ZNF624: variants seen among roughly 807,000 people sequenced by gnomAD.
ZNF624 encodes the protein zinc finger protein 624.
A neutral mutation model predicts 74.7 loss-of-function variants in ZNF624; 43 were observed. The ratio of observed to expected loss-of-function variants is 0.58; its 90% CI spans 0.45 to 0.74. The LOEUF is 0.74. ZNF624 is among the 30% of genes least tolerant of loss of function. ZNF624 has a pLI of 0.00. For synonymous variants in ZNF624, 331 were observed against 341.3 expected, an observed-to-expected ratio of 0.97 and a Z score of 0.33; for missense variants, 820 against 1,030.0, an observed-to-expected ratio of 0.80 and a Z score of 2.79.
intron 3 of ZNF624, among the ~76,000 whole-genome samples, chr17:16,646,216 T>C (rs1021964799): frequency 6.6e-6 from 1 of 152,126 alleles, no homozygotes; most frequent in African/African-American, 2.4e-5. Context: ...TGTCAAAAAG[T>C]ATGGCATTTT....
At chr17:16,625,521 T>C (rs1909050147) in intron 5 of ZNF624, among the ~76,000 whole-genome samples, 1 of 152,200 alleles carries the variant, frequency 6.6e-6, no homozygotes. Context: ...ACTAGCTTTG[T>C]TGTGAGGGCT....
chr17:16,622,476 C>G lies in ZNF624; in HGVS notation c.2410G>C (p.Gly804Arg). The change falls in exon 6 of 6, where the codon GGG (glycine) becomes CGG (arginine). Residue 804 changes from glycine to arginine, a missense_variant. Physicochemically the swap from Gly to Arg is moderately radical, Grantham distance 125. Coordinates refer to ENST00000311331, the MANE Select transcript of ZNF624 (RefSeq NM_020787.4). Reference sequence around the variant, plus strand: ...TCTTCACATTTATAGGGCCTCTCCCCAGTATGAATTCTCTGATGTAGGGTT... The same window carrying G: ...TCTTCACATTTATAGGGCCTCTCCCGAGTATGAATTCTCTGATGTAGGGTT... ...QLTLHQRIHT[G>R]ERPYKCEECG... is the part of the protein sequence containing the mutation. 2 of 1,613,932 alleles carry G rather than the reference C, an allele frequency of 1.2e-6. No individual in the cohort carries two copies. Among genetic ancestry groups the G allele is most frequent in the Non-Finnish European group, 1.7e-6 (2 of 1,179,886 alleles).
At chr17:16,649,351 T>C (rs1223324686) in intron 2 of ZNF624, among the ~76,000 whole-genome samples, 1 of 152,224 alleles carries the variant, frequency 6.6e-6, no homozygotes. Flanking sequence ...TCCATTTTGC[T>C]GTCCCACAAA....
intron 5 of ZNF624, 94 bp downstream of exon 5, chr17:16,633,768 A>C: frequency 1.0e-6 from 1 of 1,003,112 alleles, no homozygotes; most frequent in Non-Finnish European, 1.5e-6. Context: ...TTGAACAAAT[A>C]TATCTTCAAA....
chr17:16,637,831 C>T (rs1340857610), intron 3 of ZNF624, among the ~76,000 whole-genome samples: 6 of 152,014 alleles, frequency 3.9e-5, no homozygotes, highest in Non-Finnish European at 8.8e-5. Context: ...TCTAAAACAC[C>T]AAAAGCAATG....
chr17:16,653,424 G>A (rs1909776526), intron 1 of ZNF624: 1 of 152,378 alleles, frequency 6.6e-6, no homozygotes, highest in African/African-American at 2.4e-5. Flanking sequence ...GACCGGGAAA[G>A]TCGGGTCAGG....
intron 3 of ZNF624, among the ~76,000 whole-genome samples, chr17:16,639,608 C>T (rs1339835636): frequency 6.6e-6 from 1 of 152,046 alleles, no homozygotes; most frequent in East Asian, 1.9e-4. Flanking sequence ...AAATGTATGC[C>T]CAACACATAC....
At chr17:16,634,234 T>G (rs1266985934) in intron 4 of ZNF624, among the ~76,000 whole-genome samples, 2 of 152,228 alleles carry the variant, frequency 1.3e-5, no homozygotes, top group Admixed American at 1.3e-4. Flanking sequence ...TGTACAGTGA[T>G]GTTTTAGACA....
chr17:16,617,215 C>A, downstream of ZNF624: 1 of 1,612,642 alleles, frequency 6.2e-7, no homozygotes. Context: ...GGAACGGGAG[C>A]GACTTTTTGA....
intron 1 of ZNF624, among the ~76,000 whole-genome samples, chr17:16,651,430 A>C (rs1027304551): frequency 3.1e-5 from 3 of 97,996 alleles, no homozygotes; most frequent in African/African-American, 1.6e-4. Context: ...ACTCCATCTC[A>C]AAAAAAAAAA....
At chr17:16,646,242 C>T (rs60335341) in intron 3 of ZNF624, among the ~76,000 whole-genome samples, 4,411 of 152,094 alleles carry the variant, frequency 0.029, 211 homozygotes, top group African/African-American at 0.1. Context: ...GTTTATGGTT[C>T]AAAGTCTAAA....
At position 16,624,053 on chromosome 17, in the gene ZNF624, CA is replaced by C; in HGVS notation, c.832del (p.Cys278ValfsTer214). ...ATGAAAGGCCTTTTCGCATGTACTA[CA>C]TTTGTAGGGTTTTTCCTTATTATTG... ...KSNNKEKPYK[C>X]STCEKAFHYR... On this transcript the variant is annotated frameshift_variant, in exon 6 of 6. Transcript: ENST00000311331. LOFTEE classifies it high-confidence loss of function. 3.1e-6 allele frequency: 5 copies of C among 1,614,050 alleles called. No individual in the cohort carries two copies. The highest frequency in any genetic ancestry group is 4.2e-6 in the Non-Finnish European group (5 of 1,180,010).
intron 3 of ZNF624, among the ~76,000 whole-genome samples, chr17:16,646,748 T>C (rs1016433996): frequency 3.3e-5 from 5 of 152,224 alleles, no homozygotes; most frequent in Non-Finnish European, 5.9e-5. Context: ...TAAATATTAA[T>C]TAATAGTAAA....
Position 16,623,920 on chromosome 17 carries a change from G to A in ZNF624, c.966C>T (p.His322=), listed in dbSNP as rs768227668. The A allele has an allele frequency of 3.7e-6, 6 of 1,613,552 alleles. No homozygotes were observed. The highest frequency in any genetic ancestry group is 1.7e-5 in the Admixed American group (1 of 59,972). Residue 322 remains histidine, a synonymous_variant, in exon 6 of 6, where the codon CAC becomes CAT. Coordinates refer to ENST00000311331, the MANE Select transcript of ZNF624 (RefSeq NM_020787.4). This position sits in a 1 kb window ranked among gnomAD's most constrained non-coding sequence, Gnocchi z 5.3. ...TFSQPSYLSQ[H]KKIHTGEKPY... ...GTTTTTCTCCAGTGTGGATTTTTTT[G>A]TGCTGACTGAGATATGAAGGCTGGC...
At chr17:16,629,756 G>A (rs953659383) in intron 5 of ZNF624, among the ~76,000 whole-genome samples, 2 of 152,006 alleles carry the variant, frequency 1.3e-5, no homozygotes, top group Non-Finnish European at 2.9e-5. Context: ...TAGTAGAGAC[G>A]GGGTTTCACC....
Position 16,634,611 on chromosome 17 carries a change from G to T in ZNF624, c.280+19C>A. On this transcript the variant is annotated intron_variant, in intron 4 of 5. Coordinates refer to ENST00000311331, the MANE Select transcript of ZNF624 (RefSeq NM_020787.4). ...TCAAATGGGCAGATCAATCAACACA[G>T]AAGAGAAGTTATCCTTACCCAGGGA... 6.2e-7 allele frequency: 1 copy of T among 1,609,472 alleles called. No individual in the cohort carries two copies. The highest frequency in any genetic ancestry group is 8.5e-7 in the Non-Finnish European group (1 of 1,177,906).
intron 1 of ZNF624, among the ~76,000 whole-genome samples, chr17:16,652,534 T>C (rs1460000286): frequency 6.6e-6 from 1 of 152,158 alleles, no homozygotes; most frequent in Non-Finnish European, 1.5e-5. Context: ...TCGTAACATA[T>C]GTTTAACAAC....
Position 16,623,111 on chromosome 17 carries a change from G to A in ZNF624, c.1775C>T (p.Ser592Phe). ...KPYLCNECGESFRIKSHLTVH... is the reference protein window; with the variant it reads ...KPYLCNECGEFFRIKSHLTVH... Reference sequence around the variant, plus strand: ...AGTTAAGTGTGATTTTATTCTGAAAGACTCCCCACATTCATTGCACAGATA... The same window carrying A: ...AGTTAAGTGTGATTTTATTCTGAAAAACTCCCCACATTCATTGCACAGATA... Residue 592 changes from serine (S) to phenylalanine (F), a missense_variant, in exon 6 of 6, where the codon TCT (serine) becomes TTT (phenylalanine). By Grantham distance (155) the Ser-to-Phe change is radical. Transcript: ENST00000311331. The surrounding 1 kb of genome is among the most constrained non-coding windows in gnomAD (Gnocchi z 5.3). The A allele has an allele frequency of 1.2e-6, 2 of 1,613,950 alleles. No homozygotes were observed. The highest frequency in any genetic ancestry group is 1.7e-6 in the Non-Finnish European group (2 of 1,179,928).
At chr17:16,631,791 CA>C (rs1361740815) in intron 5 of ZNF624, 1 of 152,014 alleles carries the variant, frequency 6.6e-6, no homozygotes, top group African/African-American at 2.4e-5. Flanking sequence ...ATAAAGAAAA[CA>C]CAAAAAACCA....
Sources: gnomAD v4.1 joint callset for allele counts (sites outside exome capture counted in the v4.1 genomes callset) on GRCh38, gnomAD v4.1.1 for gene constraint, Gnocchi (gnomAD v3.1) non-coding constraint, MANE v1.5 for transcripts, NCBI Gene and HGNC (gene_info 2026-07-23, HGNC 2026-07-21) for gene names.